MCPH1: variants seen among roughly 807,000 people sequenced by gnomAD.
The protein encoded by MCPH1 is microcephalin 1.
A neutral mutation model predicts 84.5 loss-of-function variants in MCPH1; 104 were observed. The ratio of observed to expected loss-of-function variants is 1.23; its 90% confidence interval spans 1.05 to 1.45. The LOEUF (loss-of-function observed/expected upper bound fraction) is 1.45. Among genes scored for constraint, MCPH1 ranks in the 40% most tolerant of loss-of-function variants. The probability of loss-of-function intolerance (pLI) is 0.00; values close to 1 mark genes in which losing one functional copy is unlikely to be tolerated. For missense variants in MCPH1, 1,498 were observed against 1,005.7 expected (o/e 1.49, Z -6.62); for synonymous variants, 514 against 366.8 (o/e 1.40, Z -4.58).
chr8:6,564,332 T>C (rs73201303), intron 12 of MCPH1, among the ~76,000 whole-genome samples: 1,729 of 152,254 alleles, frequency 0.011, 16 homozygotes, highest in South Asian at 0.03. Context: ...TTGTAACACA[T>C]TATCAATTAC....
chr8:6,587,470 C>T (rs750202957), intron 12 of MCPH1, among the ~76,000 whole-genome samples: 1 of 152,094 alleles, frequency 6.6e-6, no homozygotes, highest in Non-Finnish European at 1.5e-5. Flanking sequence ...TACAGTTTTG[C>T]GATCACCCCT....
chr8:6,598,631 G>A (rs901947292), intron 12 of MCPH1, among the ~76,000 whole-genome samples: 29 of 152,320 alleles, frequency 1.9e-4, no homozygotes, highest in South Asian at 6.2e-4. Flanking sequence ...TCCCCCAAGC[G>A]ACCCCAATGT....
At chr8:6,476,554 A>C (rs938848837) in intron 9 of MCPH1, among the ~76,000 whole-genome samples, 2 of 152,206 alleles carry the variant, frequency 1.3e-5, no homozygotes, top group African/African-American at 4.8e-5. Context: ...TTTGAAACCA[A>C]AGTAGAAAAG....
At chr8:6,563,952 C>T (rs2922826) in intron 12 of MCPH1, among the ~76,000 whole-genome samples, 139,577 of 150,206 alleles carry the variant, frequency 0.93, 64,919 homozygotes, top group Non-Finnish European at 0.94. Flanking sequence ...AATTTAAGTG[C>T]CTGTGTAGAA....
chr8:6,637,286 A>T (rs1221121476), intron 13 of MCPH1, among the ~76,000 whole-genome samples: 4 of 152,168 alleles, frequency 2.6e-5, no homozygotes, highest in Non-Finnish European at 5.9e-5. Flanking sequence ...AATGAAGAAA[A>T]CAGGGTGAGT....
At chr8:6,419,128 T>TAC (rs59016342) in intron 3 of MCPH1, among the ~76,000 whole-genome samples, 5,029 of 144,366 alleles carry the variant, frequency 0.035, 263 homozygotes, top group African/African-American at 0.12. Context: ...TATATACACA[T>TAC]ACACACACAC....
intron 12 of MCPH1, among the ~76,000 whole-genome samples, chr8:6,561,240 C>T (rs972359641): frequency 6.6e-6 from 1 of 152,170 alleles, no homozygotes; most frequent in African/African-American, 2.4e-5. Context: ...AGCGCTTAGC[C>T]AGGAGCTTAA....
chr8:6,521,504 G>T, intron 12 of MCPH1: 1 of 915,906 alleles, frequency 1.1e-6, no homozygotes, highest in Non-Finnish European at 1.6e-6. Context: ...ACTCTGTTAA[G>T]ATATTGTAGT....
At chr8:6,610,280 C>G (rs971650114) in intron 12 of MCPH1, among the ~76,000 whole-genome samples, 1 of 152,192 alleles carries the variant, frequency 6.6e-6, no homozygotes, top group African/African-American at 2.4e-5. Flanking sequence ...TTGGAAAACA[C>G]GAGCCACCTT....
chr8:6,502,255 T>C (rs1024714349), intron 12 of MCPH1: 5 of 152,174 alleles, frequency 3.3e-5, no homozygotes, highest in Admixed American at 6.5e-5. Flanking sequence ...AAACAAATTA[T>C]AAAATTGTAA....
At chr8:6,509,883 A>G (rs1814626171) in intron 12 of MCPH1, among the ~76,000 whole-genome samples, 1 of 152,222 alleles carries the variant, frequency 6.6e-6, no homozygotes. Flanking sequence ...CCTGGGGATC[A>G]CAGGACTGAC....
At chr8:6,476,444 AAG>A (rs1808471664) in intron 9 of MCPH1, among the ~76,000 whole-genome samples, 1 of 151,278 alleles carries the variant, frequency 6.6e-6, no homozygotes, top group African/African-American at 2.4e-5. Flanking sequence ...AAAAAAAAAA[AAG>A]AAGAAGAAAA....
intron 11 of MCPH1, among the ~76,000 whole-genome samples, chr8:6,498,491 A>C (rs1811549974): frequency 6.6e-6 from 1 of 152,216 alleles, no homozygotes; most frequent in Non-Finnish European, 1.5e-5. Context: ...CCAGAACTCT[A>C]CTTTAGCTTC....
At chr8:6,477,658 A>C (rs1808658492) in intron 10 of MCPH1, 27 bp downstream of exon 10, 2 of 1,598,350 alleles carry the variant, frequency 1.3e-6, no homozygotes, top group East Asian at 2.2e-5. Flanking sequence ...ATTTCTGTTC[A>C]ATGTAAAATG....
chr8:6,596,709 A>G (rs939083275), intron 12 of MCPH1, among the ~76,000 whole-genome samples: 1 of 152,154 alleles, frequency 6.6e-6, no homozygotes, highest in African/African-American at 2.4e-5. Flanking sequence ...ACCAGCACAG[A>G]TCCCACAATG....
intron 3 of MCPH1, among the ~76,000 whole-genome samples, chr8:6,421,998 C>T (rs1320061941): frequency 6.6e-6 from 1 of 152,248 alleles, no homozygotes; most frequent in Admixed American, 6.5e-5. Flanking sequence ...GTCGCTTTAT[C>T]AGAAGAGCTT....
intron 11 of MCPH1, among the ~76,000 whole-genome samples, chr8:6,482,862 C>G (rs1809410646): frequency 1.3e-5 from 2 of 152,188 alleles, no homozygotes; most frequent in Non-Finnish European, 2.9e-5. Context: ...GTCTAGACTC[C>G]TTGCCTGGAG....
At chr8:6,448,287 T>C (rs1352656800) in intron 8 of MCPH1, among the ~76,000 whole-genome samples, 3 of 152,182 alleles carry the variant, frequency 2.0e-5, no homozygotes, top group Non-Finnish European at 2.9e-5. Context: ...AAATCCATGT[T>C]TCAGCTGGAG....
Position 6,499,842 on chromosome 8 carries a change from T to A in MCPH1, c.2137-10T>A. The A allele has an allele frequency of 6.2e-7, 1 of 1,612,304 alleles. No individual in the cohort carries two copies. The highest frequency in any genetic ancestry group is 8.5e-7 in the Non-Finnish European group (1 of 1,179,360). On this transcript the variant is annotated splice_polypyrimidine_tract_variant and intron_variant, in intron 11 of 13. Transcript: ENST00000344683. ...ATGTATAATAAATCTGCTTGTTGTG[T>A]CACTTGCAGGTGCTATGGTCTTTAG...
Sources: allele counts gnomAD v4.1 joint callset (sites outside exome capture counted in the v4.1 genomes callset), GRCh38; gene constraint gnomAD v4.1.1; transcripts MANE v1.5; gene names NCBI Gene and HGNC (gene_info 2026-07-23, HGNC 2026-07-21).